The following VPS13B variants were observed in gnomAD, a reference collection of about 807,000 sequenced individuals.
VPS13B encodes the protein vacuolar protein sorting 13 homolog B.
Under a neutral mutation model 426.4 loss-of-function variants are expected in VPS13B, and 285 were observed. The ratio of observed to expected loss-of-function variants is 0.67; its 90% CI spans 0.61 to 0.74. The LOEUF is 0.74. VPS13B is among the 30% of genes least tolerant of loss of function. The pLI is 0.00. For synonymous variants in VPS13B, 1,676 were observed against 1,676.4 expected (o/e 1.00, Z 0.01); for missense variants, 4,537 against 4,782.6 (o/e 0.95, Z 1.51).
chr8:99,507,562 T>C (rs1336823163), intron 28 of VPS13B, among the ~76,000 whole-genome samples: 2 of 152,236 alleles, frequency 1.3e-5, no homozygotes, highest in African/African-American at 4.8e-5. Context: ...AAGTAGTAAT[T>C]TTATACTAAA....
At chr8:99,030,236 C>T in intron 2 of VPS13B, among the ~76,000 whole-genome samples, 2 of 118,730 alleles carry the variant, frequency 1.7e-5, no homozygotes, top group African/African-American at 3.2e-5. Context: ...TTTTTTTCGG[C>T]TAACCTGGGT....
chr8:99,868,112 TA>T (rs1182209349), intron 58 of VPS13B, 176 bp from the exon 59 acceptor site: 2 of 709,516 alleles, frequency 2.8e-6, no homozygotes, highest in Non-Finnish European at 4.7e-6. Context: ...ATGACGATAA[TA>T]AATGTCTACT....
intron 24 of VPS13B, among the ~76,000 whole-genome samples, chr8:99,480,634 T>C (rs1250046403): frequency 6.6e-6 from 1 of 152,064 alleles, no homozygotes; most frequent in Non-Finnish European, 1.5e-5. Flanking sequence ...TAAACAAAAA[T>C]AGCTGTAACC....
intron 17 of VPS13B, among the ~76,000 whole-genome samples, chr8:99,229,017 GC>G (rs1816173985): frequency 6.6e-6 from 1 of 152,088 alleles, no homozygotes; most frequent in Non-Finnish European, 1.5e-5. Flanking sequence ...GTTAAAAATG[GC>G]ATTTTATTTG....
At position 99,835,270 on chromosome 8, in the gene VPS13B, G is replaced by A; in HGVS notation, c.9688G>A (p.Val3230Ile). ...CCTCTCAGAAGACCCTAGTCCTCGA[G>A]TAATTATCCACAATAGATGTCCAGT... ...LTLSEDPSPR[V>I]IIHNRCPVKM... The change falls in exon 53 of 62, where the codon GTA becomes ATA. Residue 3230 changes from valine to isoleucine, a missense_variant. Around this residue, in one of 2 missense-constraint regions of VPS13B, gnomAD observed 4,311 missense variants for 4,474.3 expected, o/e 0.96. Coordinates refer to ENST00000357162, the MANE Select transcript of VPS13B (RefSeq NM_152564.5). 1.2e-6 allele frequency: 2 copies of A among 1,613,716 alleles called. No homozygotes were observed.
At chr8:99,264,694 G>A (rs1193331486) in intron 17 of VPS13B, among the ~76,000 whole-genome samples, 1 of 151,964 alleles carries the variant, frequency 6.6e-6, no homozygotes, top group African/African-American at 2.4e-5. Context: ...TAGCCTTGAT[G>A]TTCAGGTGGT....
chr8:99,072,170 T>G (rs1405757411), intron 3 of VPS13B, among the ~76,000 whole-genome samples: 2 of 152,088 alleles, frequency 1.3e-5, no homozygotes, highest in African/African-American at 4.8e-5. Flanking sequence ...CCACCACAGC[T>G]GGGAATACGC....
chr8:99,203,965 A>G (rs1814518858), intron 17 of VPS13B, among the ~76,000 whole-genome samples: 1 of 152,226 alleles, frequency 6.6e-6, no homozygotes, highest in African/African-American at 2.4e-5. Flanking sequence ...GTATATCCCC[A>G]TCAAGCTACC....
intron 2 of VPS13B, among the ~76,000 whole-genome samples, chr8:99,022,745 T>C (rs1841958901): frequency 6.6e-6 from 1 of 152,206 alleles, no homozygotes; most frequent in South Asian, 2.1e-4. Flanking sequence ...GTATTTCTCA[T>C]TTTTAGTTTT....
chr8:99,811,694 C>T (rs780570722), intron 44 of VPS13B, among the ~76,000 whole-genome samples: 6 of 152,108 alleles, frequency 3.9e-5, no homozygotes, highest in Non-Finnish European at 7.4e-5. Flanking sequence ...GGTATGTCCT[C>T]GTAGTCAAGA....
chr8:99,739,571 C>G (rs1809576418), intron 39 of VPS13B, among the ~76,000 whole-genome samples: 1 of 152,208 alleles, frequency 6.6e-6, no homozygotes, highest in East Asian at 1.9e-4. Flanking sequence ...GGAGGCACCC[C>G]CAAGTGGGGC....
At chr8:99,056,600 T>TTA (rs1472719467) in intron 3 of VPS13B, among the ~76,000 whole-genome samples, 6 of 152,230 alleles carry the variant, frequency 3.9e-5, no homozygotes, top group Non-Finnish European at 8.8e-5. Flanking sequence ...GTCTTGTTAT[T>TTA]TATCTTTGAC....
rs529733378 is a variant in VPS13B at position 99,777,182 on chromosome 8, A to G, written c.7429+226A>G. 5.9e-5 allele frequency among the ~76,000 whole-genome samples: 9 copies of G among 152,288 alleles called. No homozygotes were observed. In the East Asian group the frequency reaches 1.7e-3, roughly 29 times the overall value. On this transcript the variant is annotated intron_variant, in intron 41 of 61. Coordinates refer to ENST00000357162, the MANE Select transcript of VPS13B (RefSeq NM_152564.5). ...AAGTTGTCAATGGTATTGAGCTGAC[A>G]TGTTTTTGAATGCTACCTAATGAGA...
rs368140490 is a variant in VPS13B at position 99,678,847 on chromosome 8, T to G, written c.6046+17356T>G. Reference sequence around the variant, plus strand: ...AAAGCAGGATAAATGCTTAATTCTTTCCCTTTATTTACCCCTTTTCAAAAA... The same window carrying G: ...AAAGCAGGATAAATGCTTAATTCTTGCCCTTTATTTACCCCTTTTCAAAAA... On this transcript the variant is annotated intron_variant, in intron 35 of 61. Coordinates refer to ENST00000357162, the MANE Select transcript of VPS13B (RefSeq NM_152564.5). Among the ~76,000 whole-genome samples the G allele has an allele frequency of 2.0e-5, 3 of 152,320 alleles. No individual in the cohort carries two copies. In the East Asian group the frequency reaches 5.8e-4, roughly 29 times the overall value.
In VPS13B at chr8:99,661,369, T is replaced by G. The variant is rs766541661; in HGVS notation, c.5924T>G (p.Leu1975Arg). Reference protein sequence around the residue: ...DYKCIDPGKTLPEALDYCTVW... With the variant: ...DYKCIDPGKTRPEALDYCTVW... ...GTCACTTTAGATCCTGGGAAGACTC[T>G]GCCTGAAGCCCTTGATTATTGCACT... Residue 1975 changes from leucine to arginine, a missense_variant, in exon 35 of 62, where the codon CTG (leucine) becomes CGG (arginine). By Grantham distance (102) the Leu-to-Arg change is moderately radical. Around this residue, in one of 2 missense-constraint regions of VPS13B, gnomAD observed 4,311 missense variants for 4,474.3 expected, o/e 0.96. Transcript: ENST00000357162. 1 of 1,613,750 alleles carries G rather than the reference T, an allele frequency of 6.2e-7. No homozygotes were observed.
intron 17 of VPS13B, among the ~76,000 whole-genome samples, chr8:99,196,467 G>GTTTTT (rs527809837): frequency 7.9e-6 from 1 of 127,206 alleles, no homozygotes; most frequent in Non-Finnish European, 1.7e-5. Context: ...GTCTTTAGGG[G>GTTTTT]TTTTTTTTTT....
chr8:99,824,618 T>A (rs1468544857), intron 51 of VPS13B, among the ~76,000 whole-genome samples: 1 of 152,068 alleles, frequency 6.6e-6, no homozygotes, highest in Non-Finnish European at 1.5e-5. Context: ...AATTATACTT[T>A]TAAGTTCTGG....
rs112069581 is a variant in VPS13B at position 99,284,734 on chromosome 8, G to GTGTGTGTGTGTA, written c.2824+9483_2824+9484insGTGTGTGTATGT. Among the ~76,000 whole-genome samples, 22 of 150,962 alleles carry GTGTGTGTGTGTA rather than the reference G, an allele frequency of 1.5e-4. No homozygotes were observed. The South Asian group carries it at 3.1e-3, about 22-fold the overall frequency. ...CCTGGCTAAATTTGTGTGTGTGTGT[G>GTGTGTGTGTGTA]TGTTTTTGTAGAGACAGAGTCCCAC... On this transcript the variant is annotated intron_variant, in intron 19 of 61. Coordinates refer to ENST00000357162, the MANE Select transcript of VPS13B (RefSeq NM_152564.5).
chr8:99,827,879 G>T (rs1814789663), intron 51 of VPS13B, among the ~76,000 whole-genome samples: 1 of 152,162 alleles, frequency 6.6e-6, no homozygotes, highest in African/African-American at 2.4e-5. Context: ...CCATTTCCAT[G>T]TAGTTGTGTG....
Sources: gnomAD v4.1 joint callset for allele counts (sites outside exome capture counted in the v4.1 genomes callset) on GRCh38, gnomAD v4.1.1 for gene constraint, gnomAD v4.1.1 regional missense constraint, MANE v1.5 for transcripts, NCBI Gene and HGNC (gene_info 2026-07-23, HGNC 2026-07-21) for gene names.